GRB10: variants seen among roughly 807,000 people sequenced by gnomAD.
GRB10 encodes growth factor receptor bound protein 10.
In GRB10, 20 loss-of-function variants were observed where a neutral mutation model predicts 80.9. The observed-to-expected ratio is 0.25, with a 90% CI of 0.17 to 0.36. GRB10 has a LOEUF of 0.36. GRB10 is among the 10% of genes least tolerant of loss of function. The pLI is 1.00. For synonymous variants in GRB10, 291 were observed against 291.5 expected, an observed-to-expected ratio of 1.00 and a Z score of 0.02; for missense variants, 548 against 747.7, an observed-to-expected ratio of 0.73 and a Z score of 3.12.
intron 3 of GRB10, among the ~76,000 whole-genome samples, chr7:50,747,984 A>T (rs531128729): frequency 6.6e-6 from 1 of 152,320 alleles, no homozygotes; most frequent in Admixed American, 6.5e-5. Flanking sequence ...GTAGGAAATC[A>T]CAGAAGGCAG....
intron 4 of GRB10, among the ~76,000 whole-genome samples, chr7:50,715,594 A>G (rs987767280): frequency 2.6e-5 from 4 of 152,176 alleles, no homozygotes; most frequent in Non-Finnish European, 4.4e-5. Context: ...TTCTGAGCAA[A>G]TAACTTCACT....
At chr7:50,713,427 C>T (rs1300686979) in intron 4 of GRB10, among the ~76,000 whole-genome samples, 2 of 151,222 alleles carry the variant, frequency 1.3e-5, no homozygotes, top group African/African-American at 4.9e-5. Context: ...TCCTCTACCA[C>T]CCCCACCATC....
Position 50,772,879 on chromosome 7 carries a change from G to A in GRB10, c.-217+7748C>T, listed in dbSNP as rs572845977. On this transcript the variant is annotated intron_variant, in intron 2 of 18. Transcript: ENST00000401949. ...TAACTGATAAGAGTATTAATATCTA[G>A]AATATATAAATTCCTACAACTGAGT... Among the ~76,000 whole-genome samples, 12 of 152,272 alleles carry A rather than the reference G, an allele frequency of 7.9e-5. No individual in the cohort carries two copies. In the South Asian group the frequency reaches 2.5e-3, roughly 32 times the overall value.
At chr7:50,688,008 C>A (rs1490151120) in intron 5 of GRB10, among the ~76,000 whole-genome samples, 1 of 152,156 alleles carries the variant, frequency 6.6e-6, no homozygotes, top group East Asian at 1.9e-4. Flanking sequence ...GATTGAGAAA[C>A]CGTGGAGGGG....
intron 3 of GRB10, among the ~76,000 whole-genome samples, chr7:50,739,972 A>G (rs1170880398): frequency 1.3e-5 from 2 of 152,324 alleles, no homozygotes; most frequent in East Asian, 3.9e-4. Context: ...AACACAGCTC[A>G]TCTGCTTAAA....
At position 50,592,657 on chromosome 7, in the gene GRB10, C is replaced by T; in HGVS notation, c.*295G>A. 2.1e-6 allele frequency: 1 copy of T among 470,320 alleles called. No homozygotes were observed. Among genetic ancestry groups the T allele is most frequent in the Non-Finnish European group, 3.9e-6 (1 of 255,856 alleles). 29.1% of individuals were successfully genotyped at this position (470,320 alleles called of 1,614,324 possible). A position where few individuals can be genotyped will look rare whatever the true frequency, so the allele number is the denominator to read the frequency against. On this transcript the variant is annotated 3_prime_UTR_variant, in exon 19 of 19. Coordinates refer to ENST00000401949, the MANE Select transcript of GRB10 (RefSeq NM_001350814.2). The stretch of plus-strand genomic sequence containing the variant: ...CAATCACTTCTCTCCGGTTCTTGTT[C>T]CTAAGCGGCCCAAGCCAAGATGATC...
intron 2 of GRB10, among the ~76,000 whole-genome samples, chr7:50,777,708 A>C (rs2077837407): frequency 6.6e-6 from 1 of 152,178 alleles, no homozygotes; most frequent in Non-Finnish European, 1.5e-5. Context: ...AATGTGGTAC[A>C]TATACACCGT....
chr7:50,668,636 C>T (rs565457759), intron 7 of GRB10, among the ~76,000 whole-genome samples: 55 of 152,314 alleles, frequency 3.6e-4, no homozygotes, highest in African/African-American at 1.2e-3. Context: ...CCACCACTTA[C>T]GACAAGGCCT....
chr7:50,744,255 G>A (rs796113192), intron 3 of GRB10, among the ~76,000 whole-genome samples: 9 of 152,168 alleles, frequency 5.9e-5, no homozygotes, highest in South Asian at 2.1e-4. Flanking sequence ...ATCACAGGCC[G>A]GCAGGCTGGA....
rs2059918172 is a variant in GRB10 at position 50,667,305 on chromosome 7, CT to C, written c.504+2416del. On this transcript the variant is annotated intron_variant, in intron 7 of 18. Coordinates refer to ENST00000401949, the MANE Select transcript of GRB10 (RefSeq NM_001350814.2). Reference sequence around the variant, plus strand: ...GATTTCGTTATGCTTTCTTCTTTTCCTACGTTAACTGAGTTCTTCCCTGTGA... The same window carrying C: ...GATTTCGTTATGCTTTCTTCTTTTCCACGTTAACTGAGTTCTTCCCTGTGA... Among the ~76,000 whole-genome samples, 4 of 152,194 alleles carry C rather than the reference CT, an allele frequency of 2.6e-5. No homozygotes were observed. The South Asian group carries it at 8.3e-4, about 32-fold the overall frequency.
chr7:50,616,825 C>T (rs1049952572), intron 10 of GRB10, among the ~76,000 whole-genome samples: 1 of 152,234 alleles, frequency 6.6e-6, no homozygotes, highest in African/African-American at 2.4e-5. Context: ...GCTAACTCTT[C>T]CCACAGGCAG....
chr7:50,668,730 A>G (rs2060065004), intron 7 of GRB10, among the ~76,000 whole-genome samples: 1 of 152,226 alleles, frequency 6.6e-6, no homozygotes. Flanking sequence ...GTCTTCCTCC[A>G]GAGGCTGCAG....
chr7:50,644,970 A>T (rs1563271439), intron 7 of GRB10, among the ~76,000 whole-genome samples: 1 of 152,220 alleles, frequency 6.6e-6, no homozygotes, highest in Non-Finnish European at 1.5e-5. Context: ...TGGCTAAAAC[A>T]CTGCAAAAGG....
intron 17 of GRB10, among the ~76,000 whole-genome samples, chr7:50,602,743 T>A (rs928462303): frequency 6.6e-6 from 1 of 152,196 alleles, no homozygotes; most frequent in Non-Finnish European, 1.5e-5. Flanking sequence ...TGAACATGGA[T>A]TAGCTTTTAG....
At chr7:50,629,997 G>A (rs145486368) in intron 7 of GRB10, among the ~76,000 whole-genome samples, 250 of 152,300 alleles carry the variant, frequency 1.6e-3, no homozygotes, top group African/African-American at 5.5e-3. Context: ...GACTTGTTTA[G>A]GGAATATAAG....
chr7:50,775,632 G>A (rs2077551374), intron 2 of GRB10, among the ~76,000 whole-genome samples: 1 of 152,202 alleles, frequency 6.6e-6, no homozygotes, highest in Non-Finnish European at 1.5e-5. Flanking sequence ...CTGCCCCATG[G>A]CTCTATTAGG....
intron 4 of GRB10, among the ~76,000 whole-genome samples, chr7:50,717,445 T>A (rs903149840): frequency 3.2e-4 from 14 of 43,278 alleles, no homozygotes; most frequent in African/African-American, 1.3e-3. Flanking sequence ...ATGAGAAGCT[T>A]GAAGAGTGTG....
At chr7:50,722,174 C>T (rs1432827741) in intron 4 of GRB10, among the ~76,000 whole-genome samples, 1 of 152,108 alleles carries the variant, frequency 6.6e-6, no homozygotes, top group Non-Finnish European at 1.5e-5. Flanking sequence ...ACCAGCTGAG[C>T]CCCGAACCCT....
At chr7:50,733,609 T>G (rs1382589576) in intron 3 of GRB10, among the ~76,000 whole-genome samples, 1 of 152,242 alleles carries the variant, frequency 6.6e-6, no homozygotes, top group Non-Finnish European at 1.5e-5. Context: ...GTCCATGACC[T>G]GGCTCAGACG....
Sources: gnomAD v4.1 joint callset for allele counts (sites outside exome capture counted in the v4.1 genomes callset) on GRCh38, gnomAD v4.1.1 for gene constraint, MANE v1.5 for transcripts, NCBI Gene and HGNC (gene_info 2026-07-23, HGNC 2026-07-21) for gene names.